The following PUF60 variants were observed in gnomAD, a reference collection of about 807,000 sequenced individuals.
The protein encoded by PUF60 is poly(U) binding splicing factor 60, also known as poly(U)-binding-splicing factor PUF60.
A neutral mutation model predicts 61.8 loss-of-function variants in PUF60; 10 were observed. The ratio of observed to expected loss-of-function variants is 0.16; its 90% CI spans 0.10 to 0.27. The LOEUF (loss-of-function observed/expected upper bound fraction) is 0.27. PUF60 is among the 10% of genes least tolerant of loss of function. The pLI is 1.00. For missense variants in PUF60, 371 were observed against 754.0 expected (o/e 0.49, Z 5.95); for synonymous variants, 353 against 300.9 (o/e 1.17, Z -1.79).
At position 143,817,097 on chromosome 8, in the gene PUF60, CCCA is replaced by C. The variant is rs766435506; in HGVS notation, c.1190_1192del (p.Val397del). 1.2e-6 allele frequency: 2 copies of C among 1,610,810 alleles called. No homozygotes were observed. On this transcript the variant is annotated inframe_deletion, in exon 11 of 12. Transcript: ENST00000526683. This position sits in a 1 kb window ranked among gnomAD's most constrained non-coding sequence, Gnocchi z 7.4. ...GCTGGCCAGGATGGGGTTCACCACT[CCCA>C]CCGAGGGGATGGTGACCGGGATAGG... is the stretch of plus-strand genomic sequence containing the variant.
rs759087809 is a variant in PUF60, at chr8:143,817,771, C to T, written c.829G>A (p.Ala277Thr). The change falls in exon 9 of 12, where the codon GCC becomes ACC. Residue 277 changes from alanine to threonine, a missense_variant. Coordinates refer to ENST00000526683, the MANE Select transcript of PUF60 (RefSeq NM_078480.3). The surrounding 1 kb of genome is among the most constrained non-coding windows in gnomAD (Gnocchi z 7.4). ...KGYGFIEYEK[A>T]QSSQDAVSSM... ...GACACAGCATCTTGGGACGACTGGG[C>T]CTTCTCGTACTCTGTGGGCAGGAGC... 4 of 1,610,864 alleles carry T rather than the reference C, an allele frequency of 2.5e-6. No homozygotes were observed. The highest frequency in any genetic ancestry group is 4.5e-5 in the East Asian group (2 of 44,814).
chr8:143,828,510 G>C (rs374802572), intron 1 of PUF60, among the ~76,000 whole-genome samples: 1 of 152,196 alleles, frequency 6.6e-6, no homozygotes, highest in Non-Finnish European at 1.5e-5. Context: ...CCTGCCCGGG[G>C]AAGTGGGCAC....
chr8:143,824,006 C>A (rs932023666), intron 2 of PUF60, among the ~76,000 whole-genome samples: 1 of 152,252 alleles, frequency 6.6e-6, no homozygotes, highest in Non-Finnish European at 1.5e-5. Flanking sequence ...CCTAAGAACG[C>A]GCGAGCTCCA....
At chr8:143,821,341 A>C in intron 4 of PUF60, 1 of 585,258 alleles carries the variant, frequency 1.7e-6, no homozygotes, top group East Asian at 2.8e-5. Flanking sequence ...CAGGAAGGGG[A>C]AAAGGGTAGA....
chr8:143,820,602 C>T (rs1816899630), intron 5 of PUF60, 64 bp downstream of exon 5: 1 of 1,531,540 alleles, frequency 6.5e-7, no homozygotes, highest in African/African-American at 1.4e-5. Context: ...ACGTGGGCTG[C>T]ACTGCCCCCC....
rs1299329072 is a variant in PUF60 at position 143,824,656 on chromosome 8, G to A, written c.25-257C>T. The A allele has an allele frequency of 9.2e-6, 5 of 540,904 alleles. No individual in the cohort carries two copies. In the African/African-American group the frequency reaches 9.5e-5, roughly 10 times the overall value. 33.5% of individuals were successfully genotyped at this position (540,904 alleles called of 1,614,324 possible). On this transcript the variant is annotated intron_variant, in intron 1 of 11. Coordinates refer to ENST00000526683, the MANE Select transcript of PUF60 (RefSeq NM_078480.3). The stretch of plus-strand genomic sequence containing the variant: ...GAGTCCCAGCGGGGATGGGGAGGAG[G>A]GTAGAGAGAGCTGTGCTCCTGCCCC...
rs1816278500 is a variant in PUF60, at chr8:143,816,405, T to A, written c.*115A>T. 8.2e-7 allele frequency: 1 copy of A among 1,212,580 alleles called. No individual in the cohort carries two copies. Among genetic ancestry groups the A allele is most frequent in the Non-Finnish European group, 1.1e-6 (1 of 886,494 alleles). 75.1% of individuals were successfully genotyped at this position (1,212,580 alleles called of 1,614,324 possible). A position where few individuals can be genotyped will look rare whatever the true frequency, so the allele number is the denominator to read the frequency against. On this transcript the variant is annotated 3_prime_UTR_variant, in exon 12 of 12. Transcript: ENST00000526683. ...AGGGCCAGCAGCATCCGCACCTTTA[T>A]CCGCACTGTAGGCTGGGCTGGGCAG...
chr8:143,826,445 T>C (rs1375523629), intron 1 of PUF60, among the ~76,000 whole-genome samples: 2 of 152,228 alleles, frequency 1.3e-5, no homozygotes, highest in African/African-American at 2.4e-5. Flanking sequence ...CCAGACGCAG[T>C]GGCTCACGCC....
rs371672372 is a variant in PUF60 at position 143,816,905 on chromosome 8, C to T, written c.1380+5G>A. Reference sequence around the variant, plus strand: ...CCCCCGCCACCACCCTGCCCCTCTGCCTACCTCCTGCTTGCGGAGCAGCTT... The same window carrying T: ...CCCCCGCCACCACCCTGCCCCTCTGTCTACCTCCTGCTTGCGGAGCAGCTT... On this transcript the variant is annotated splice_donor_5th_base_variant and intron_variant, in intron 11 of 11. Transcript: ENST00000526683. The T allele has an allele frequency of 1.3e-6, 2 of 1,545,714 alleles. No homozygotes were observed. The highest frequency in any genetic ancestry group is 1.8e-6 in the Non-Finnish European group (2 of 1,138,662).
At chr8:143,824,981 G>A (rs1384226553) in intron 1 of PUF60, 1 of 155,558 alleles carries the variant, frequency 6.4e-6, no homozygotes, top group African/African-American at 2.4e-5. Flanking sequence ...CGGCCAAGAG[G>A]TTAGCCCTCT....
chr8:143,828,618 G>C (rs957041356), intron 1 of PUF60, among the ~76,000 whole-genome samples: 24 of 152,292 alleles, frequency 1.6e-4, no homozygotes, highest in African/African-American at 5.5e-4. Flanking sequence ...CTTCTGGTGC[G>C]CACTAGACCT....
intron 1 of PUF60, chr8:143,824,760 G>C: frequency 3.1e-6 from 1 of 322,382 alleles, no homozygotes; most frequent in South Asian, 3.6e-5. Flanking sequence ...ATGCCCTCCT[G>C]AGGCAGCAGC....
intron 1 of PUF60, among the ~76,000 whole-genome samples, chr8:143,826,201 C>T (rs1236844379): frequency 1.3e-5 from 2 of 152,208 alleles, no homozygotes; most frequent in Non-Finnish European, 2.9e-5. Flanking sequence ...CTCTGAGGGG[C>T]GGCACAGCAG....
At chr8:143,819,614 T>A (rs1026336843) in intron 5 of PUF60, among the ~76,000 whole-genome samples, 2 of 152,050 alleles carry the variant, frequency 1.3e-5, no homozygotes, top group Non-Finnish European at 2.9e-5. Flanking sequence ...CTTCCCAAGG[T>A]GAGATATCTT....
At position 143,816,357 on chromosome 8, in the gene PUF60, C is replaced by T. The variant is rs938056316; in HGVS notation, c.*163G>A. The T allele has an allele frequency of 2.6e-6, 2 of 779,432 alleles. No individual in the cohort carries two copies. Among genetic ancestry groups the T allele is most frequent in the South Asian group, 1.9e-5 (1 of 53,700 alleles). The allele number at this position is 779,432 out of a possible 1,614,324, so 48.3% of individuals were successfully genotyped here. On this transcript the variant is annotated 3_prime_UTR_variant, in exon 12 of 12. Transcript: ENST00000526683. ...ACACGCCCAGGATCGGTGACAGGACCGACGGCAGACACACGGACGTTCAGG... is the reference window on the plus strand; with the variant it reads ...ACACGCCCAGGATCGGTGACAGGACTGACGGCAGACACACGGACGTTCAGG...
chr8:143,828,768 C>A (rs1817947050), intron 1 of PUF60, among the ~76,000 whole-genome samples: 1 of 152,220 alleles, frequency 6.6e-6, no homozygotes, highest in South Asian at 2.1e-4. Flanking sequence ...ATAACCAGAT[C>A]CCTCTCCAGC....
rs1692369422 is a variant in PUF60, at chr8:143,817,458, C to T, written c.1017G>A (p.Val339=). 3.1e-6 allele frequency: 5 copies of T among 1,609,454 alleles called. No homozygotes were observed. The highest frequency in any genetic ancestry group is 1.3e-5 in the African/African-American group (1 of 74,946). The change falls in exon 10 of 12, where the codon GTG becomes GTA. Residue 339 remains valine, a synonymous_variant. Coordinates refer to ENST00000526683, the MANE Select transcript of PUF60 (RefSeq NM_078480.3). This position sits in a 1 kb window ranked among gnomAD's most constrained non-coding sequence, Gnocchi z 7.4. ...GGGTACCCAGCACCGCTGCTCCGGCCACTGCTTCCTGCAACCCAAAAGGTC... is the reference window on the plus strand; with the variant it reads ...GGGTACCCAGCACCGCTGCTCCGGCTACTGCTTCCTGCAACCCAAAAGGTC... ...ATAKITAQEA[V]AGAAVLGTLG...
rs757059797 is a variant in PUF60, at chr8:143,820,391, T to C, written c.348+275A>G. On this transcript the variant is annotated intron_variant, in intron 5 of 11. Transcript: ENST00000526683. Reference sequence around the variant, plus strand: ...GCGTGGGCGCAGACGGGCCTGGTGCTGGCAGCTACCCGCCCTGGCCGGCTG... The same window carrying C: ...GCGTGGGCGCAGACGGGCCTGGTGCCGGCAGCTACCCGCCCTGGCCGGCTG... 1.8e-5 allele frequency: 10 copies of C among 541,090 alleles called. No homozygotes were observed. In the South Asian group the frequency reaches 1.9e-4, roughly 10 times the overall value. The allele number at this position is 541,090 out of a possible 1,614,324, so 33.5% of individuals were successfully genotyped here.
chr8:143,816,470 A>G lies in PUF60; in HGVS notation c.*50T>C. The G allele has an allele frequency of 6.4e-7, 1 of 1,563,340 alleles. No individual in the cohort carries two copies. Among genetic ancestry groups the G allele is most frequent in the Non-Finnish European group, 8.6e-7 (1 of 1,156,170 alleles). On this transcript the variant is annotated 3_prime_UTR_variant, in exon 12 of 12. Coordinates refer to ENST00000526683, the MANE Select transcript of PUF60 (RefSeq NM_078480.3). ...CGGGGACACCACTGTATCACTATAA[A>G]ACCCAGAGGAAACAAGGAACAAGTG...
Sources: gnomAD v4.1 joint callset for allele counts (sites outside exome capture counted in the v4.1 genomes callset) on GRCh38, gnomAD v4.1.1 for gene constraint, Gnocchi (gnomAD v3.1) non-coding constraint, MANE v1.5 for transcripts, NCBI Gene and HGNC (gene_info 2026-07-23, HGNC 2026-07-21) for gene names.